CLINT1: variants seen among roughly 807,000 people sequenced by gnomAD.
CLINT1 encodes clathrin interacting protein localized in the trans-Golgi region.
A neutral mutation model predicts 70.4 loss-of-function variants in CLINT1; 15 were observed. The ratio of observed to expected loss-of-function variants is 0.21; its 90% CI spans 0.14 to 0.33. CLINT1 has a LOEUF of 0.33. Among genes scored for constraint, CLINT1 ranks in the 10% least tolerant of loss-of-function variants. CLINT1 has a pLI of 1.00. For synonymous variants in CLINT1, 227 were observed against 254.7 expected (o/e 0.89, Z 1.04); for missense variants, 615 against 778.1 (o/e 0.79, Z 2.49).
intron 1 of CLINT1, among the ~76,000 whole-genome samples, chr5:157,819,913 TTC>T (rs1478577499): frequency 6.6e-6 from 1 of 152,180 alleles, no homozygotes; most frequent in Non-Finnish European, 1.5e-5. Context: ...ATAAGAAAGG[TTC>T]TGTTTCCGTA....
At chr5:157,828,672 T>C (rs1028822305) in intron 1 of CLINT1, among the ~76,000 whole-genome samples, 8 of 152,146 alleles carry the variant, frequency 5.3e-5, no homozygotes, top group Non-Finnish European at 1.2e-4. Context: ...ATAGCACTTG[T>C]AGTAAAACTT....
At chr5:157,839,720 A>AATCT (rs10632085) in intron 1 of CLINT1, among the ~76,000 whole-genome samples, 34,017 of 148,266 alleles carry the variant, frequency 0.23, 3,999 homozygotes, top group Non-Finnish European at 0.26. Flanking sequence ...TTACAACAAA[A>AATCT]ATCTATCTAT....
chr5:157,806,919 T>C (rs1762401962), intron 6 of CLINT1, among the ~76,000 whole-genome samples: 2 of 152,056 alleles, frequency 1.3e-5, no homozygotes, highest in Non-Finnish European at 2.9e-5. Flanking sequence ...AGCCCTAGTC[T>C]GTTCTCTAGT....
intron 1 of CLINT1, among the ~76,000 whole-genome samples, chr5:157,840,389 T>C (rs921064829): frequency 2.0e-5 from 3 of 151,918 alleles, no homozygotes; most frequent in African/African-American, 7.3e-5. Context: ...ATGGGACAAC[T>C]GACAAAACTG....
chr5:157,790,329 T>A (rs1761863884), intron 10 of CLINT1: 1 of 188,228 alleles, frequency 5.3e-6, no homozygotes, highest in Non-Finnish European at 1.1e-5. Flanking sequence ...TGTATACTTT[T>A]ACTATCTAAA....
intron 1 of CLINT1, among the ~76,000 whole-genome samples, chr5:157,831,215 T>A (rs1763234056): frequency 6.7e-6 from 1 of 149,718 alleles, no homozygotes; most frequent in Admixed American, 6.7e-5. Context: ...TGAGATGGAG[T>A]CTCCCTCTGT....
rs189097647 is a variant in CLINT1 at position 157,798,248 on chromosome 5, A to T, written c.1013-3276T>A. Among the ~76,000 whole-genome samples, 3 of 152,324 alleles carry T rather than the reference A, an allele frequency of 2.0e-5. No homozygotes were observed. The East Asian group carries it at 5.8e-4, about 29-fold the overall frequency. Reference sequence around the variant, plus strand: ...TCTATCTAAATTTATATTCTAAAGGAATATAAATAAAAGAGTCTACCAAAA... The same window carrying T: ...TCTATCTAAATTTATATTCTAAAGGTATATAAATAAAAGAGTCTACCAAAA... On this transcript the variant is annotated intron_variant, in intron 8 of 11. Coordinates refer to ENST00000411809, the MANE Select transcript of CLINT1 (RefSeq NM_014666.4).
chr5:157,821,647 A>G (rs1362602934), intron 1 of CLINT1, among the ~76,000 whole-genome samples: 1 of 152,194 alleles, frequency 6.6e-6, no homozygotes, highest in Non-Finnish European at 1.5e-5. Flanking sequence ...AAAATGAGTG[A>G]CTTGAAGAGT....
At chr5:157,838,644 CA>C (rs1763514544) in intron 1 of CLINT1, among the ~76,000 whole-genome samples, 1 of 152,142 alleles carries the variant, frequency 6.6e-6, no homozygotes, top group Non-Finnish European at 1.5e-5. Context: ...TTAAATTACT[CA>C]GTAATCAGTT....
chr5:157,842,844 G>A (rs1376518629), intron 1 of CLINT1, among the ~76,000 whole-genome samples: 1 of 152,148 alleles, frequency 6.6e-6, no homozygotes, highest in Non-Finnish European at 1.5e-5. Flanking sequence ...GACTCACATC[G>A]TTTTGCGTGT....
intron 8 of CLINT1, among the ~76,000 whole-genome samples, chr5:157,797,338 A>G (rs974753718): frequency 6.6e-6 from 1 of 152,200 alleles, no homozygotes; most frequent in African/African-American, 2.4e-5. Context: ...ATAAACATCA[A>G]TATATAACTT....
chr5:157,817,481 A>T lies in CLINT1; in HGVS notation c.108T>A (p.Pro36=), dbSNP rs1427734059. 6.2e-7 allele frequency: 1 copy of T among 1,605,884 alleles called. No individual in the cohort carries two copies. Among genetic ancestry groups the T allele is most frequent in the Non-Finnish European group, 8.5e-7 (1 of 1,175,818 alleles). ...SKVREATNDD[P]WGPSGQLMGE... ...CCATGAGTTGCCCAGAAGGTCCCCA[A>T]GGATCATCGTTCGTTGCCTCTCGAA... Residue 36 remains proline (P), a synonymous_variant, in exon 2 of 12, where the codon CCT becomes CCA. Transcript: ENST00000411809.
chr5:157,801,721 T>C (rs1165411430), intron 8 of CLINT1, among the ~76,000 whole-genome samples: 1 of 152,176 alleles, frequency 6.6e-6, no homozygotes, highest in African/African-American at 2.4e-5. Flanking sequence ...TAATCCCAGC[T>C]ACTCGAGAAG....
In CLINT1 at chr5:157,794,969, C is replaced by T; in HGVS notation, c.1016G>A (p.Gly339Glu). The change falls in exon 9 of 12, where the codon GGA becomes GAA. Residue 339 changes from glycine (G) to glutamate (E), a missense_variant. Gly to Glu is a moderately conservative substitution (Grantham distance 98, BLOSUM62 -2). Coordinates refer to ENST00000411809, the MANE Select transcript of CLINT1 (RefSeq NM_014666.4). ...AAATCCTCCGAATAAATCAGCTGAT[C>T]CTCCTAGAAGTTAAGAAAAAGTTAA... ...LFDGTSQSTG[G>E]SADLFGGFAD... 6.4e-7 allele frequency: 1 copy of T among 1,552,428 alleles called. No individual in the cohort carries two copies. Among genetic ancestry groups the T allele is most frequent in the Non-Finnish European group, 8.7e-7 (1 of 1,147,146 alleles).
At chr5:157,823,152 G>C (rs185901557) in intron 1 of CLINT1, among the ~76,000 whole-genome samples, 18 of 152,142 alleles carry the variant, frequency 1.2e-4, no homozygotes, top group Admixed American at 3.3e-4. Context: ...GTGTTCTGAC[G>C]TACGCATGCA....
At chr5:157,835,748 G>A (rs1328472318) in intron 1 of CLINT1, among the ~76,000 whole-genome samples, 1 of 151,870 alleles carries the variant, frequency 6.6e-6, no homozygotes, top group Non-Finnish European at 1.5e-5. Flanking sequence ...AGCTCTTTTG[G>A]GGGCATGACT....
intron 5 of CLINT1, among the ~76,000 whole-genome samples, chr5:157,811,685 G>C (rs1762564663): frequency 6.6e-6 from 1 of 152,186 alleles, no homozygotes; most frequent in Non-Finnish European, 1.5e-5. Flanking sequence ...AGATGCTGCA[G>C]TTAGTGCATT....
At chr5:157,850,836 C>T (rs1036993416) in intron 1 of CLINT1, among the ~76,000 whole-genome samples, 1 of 151,580 alleles carries the variant, frequency 6.6e-6, no homozygotes, top group African/African-American at 2.4e-5. Context: ...ACTCTGTTGC[C>T]CAGGCTAGAG....
chr5:157,852,489 A>AT (rs1753608608), intron 1 of CLINT1, among the ~76,000 whole-genome samples: 1 of 152,160 alleles, frequency 6.6e-6, no homozygotes, highest in Admixed American at 6.5e-5. Flanking sequence ...TGATATCTCT[A>AT]TTTTCACAAA....
Sources: allele counts gnomAD v4.1 joint callset (sites outside exome capture counted in the v4.1 genomes callset), GRCh38; gene constraint gnomAD v4.1.1; transcripts MANE v1.5; gene names NCBI Gene and HGNC (gene_info 2026-07-23, HGNC 2026-07-21).